Variants in SEMA6D observed in about 807,000 individuals in gnomAD.
The protein encoded by SEMA6D is semaphorin-6D.
A neutral mutation model predicts 106.6 loss-of-function variants in SEMA6D; 35 were observed. The observed-to-expected ratio is 0.33, with a 90% CI of 0.25 to 0.44. SEMA6D has a LOEUF of 0.44. Ranked by LOEUF, SEMA6D falls within the 20% of genes least tolerant of loss-of-function variation. SEMA6D has a pLI of 1.00. For missense variants in SEMA6D, 1,185 were observed against 1,345.9 expected (o/e 0.88, Z 1.87); for synonymous variants, 499 against 487.7 (o/e 1.02, Z -0.31).
At chr15:47,395,235 C>T (rs2040174627) in intron 1 of SEMA6D, among the ~76,000 whole-genome samples, 1 of 152,150 alleles carries the variant, frequency 6.6e-6, no homozygotes, top group East Asian at 1.9e-4. Context: ...AAGAGATTTT[C>T]TTCAAAGAGT....
chr15:47,289,394 A>G (rs951590574), intron 1 of SEMA6D, among the ~76,000 whole-genome samples: 46 of 113,332 alleles, frequency 4.1e-4, no homozygotes, highest in Admixed American at 9.8e-4. Flanking sequence ...ACTCCATCTC[A>G]AAAAAAAAAA....
intron 3 of SEMA6D, among the ~76,000 whole-genome samples, chr15:47,480,704 G>A (rs2043132186): frequency 6.6e-6 from 1 of 152,102 alleles, no homozygotes. Context: ...AACCATTTTA[G>A]CTTGTGTTTA....
intron 1 of SEMA6D, among the ~76,000 whole-genome samples, chr15:47,188,779 C>A (rs1479180586): frequency 6.6e-6 from 1 of 152,112 alleles, no homozygotes; most frequent in Non-Finnish European, 1.5e-5. Flanking sequence ...TACAATCAAG[C>A]CTGCAAGTAG....
chr15:47,230,845 T>G (rs1030391282), intron 1 of SEMA6D, among the ~76,000 whole-genome samples: 1 of 152,064 alleles, frequency 6.6e-6, no homozygotes, highest in Non-Finnish European at 1.5e-5. Flanking sequence ...GGAGAACCAA[T>G]GGTTCCCTGT....
chr15:47,255,580 A>G (rs181191624), intron 1 of SEMA6D, among the ~76,000 whole-genome samples: 20 of 151,876 alleles, frequency 1.3e-4, no homozygotes, highest in African/African-American at 1.2e-4. Context: ...ATATATTTTG[A>G]TATTAGTCAT....
intron 1 of SEMA6D, among the ~76,000 whole-genome samples, chr15:47,278,735 T>A (rs1323778497): frequency 1.1e-3 from 162 of 151,452 alleles, no homozygotes; most frequent in Non-Finnish European, 1.2e-4. Context: ...TCTAGGGTTT[T>A]TATGGTTTTA....
intron 1 of SEMA6D, among the ~76,000 whole-genome samples, chr15:47,358,858 A>T (rs941483365): frequency 2.0e-5 from 3 of 152,198 alleles, no homozygotes; most frequent in South Asian, 2.1e-4. Context: ...ATTTTTAAAC[A>T]TGAATTCTGG....
chr15:47,279,769 C>G (rs1566969721), intron 1 of SEMA6D, among the ~76,000 whole-genome samples: 1 of 151,854 alleles, frequency 6.6e-6, no homozygotes, highest in Admixed American at 6.6e-5. Flanking sequence ...GCCTTTTCTG[C>G]ATCTATTGAG....
chr15:47,384,828 T>TTTTG (rs2039768207), intron 1 of SEMA6D, among the ~76,000 whole-genome samples: 2 of 144,360 alleles, frequency 1.4e-5, no homozygotes, highest in African/African-American at 5.2e-5. Flanking sequence ...TTTTTTTTTT[T>TTTTG]TTTTTTTTTT....
intron 2 of SEMA6D, among the ~76,000 whole-genome samples, chr15:47,421,486 A>G (rs1026144400): frequency 6.6e-6 from 1 of 152,114 alleles, no homozygotes; most frequent in Non-Finnish European, 1.5e-5. Flanking sequence ...ATTTATGTTT[A>G]TCATCTACTC....
At chr15:47,645,101 G>A (rs2144811772) in intron 4 of SEMA6D, among the ~76,000 whole-genome samples, 1 of 152,244 alleles carries the variant, frequency 6.6e-6, no homozygotes, top group African/African-American at 2.4e-5. Context: ...TGGGTGCCGG[G>A]GCGTCATCTG....
intron 3 of SEMA6D, among the ~76,000 whole-genome samples, chr15:47,516,118 T>A (rs1344494002): frequency 6.6e-6 from 1 of 152,128 alleles, no homozygotes; most frequent in African/African-American, 2.4e-5. Flanking sequence ...AATGGATGGC[T>A]TTTGTTATGG....
chr15:47,432,266 A>G (rs571199709), intron 2 of SEMA6D, among the ~76,000 whole-genome samples: 1 of 152,212 alleles, frequency 6.6e-6, no homozygotes, highest in South Asian at 2.1e-4. Context: ...TAACATAGAG[A>G]TAAGAAGAGA....
intron 1 of SEMA6D, among the ~76,000 whole-genome samples, chr15:47,409,837 G>A (rs1463114073): frequency 1.3e-5 from 2 of 149,524 alleles, no homozygotes; most frequent in African/African-American, 4.9e-5. Flanking sequence ...GTGGGGAAGG[G>A]ATGGGAGGAG....
In SEMA6D at chr15:47,531,739, A is replaced by C. The variant is rs528132714; in HGVS notation, c.-87+61194A>C. Among the ~76,000 whole-genome samples the C allele has an allele frequency of 1.2e-4, 18 of 152,302 alleles. No individual in the cohort carries two copies. In the East Asian group the frequency reaches 3.5e-3, roughly 29 times the overall value. On this transcript the variant is annotated intron_variant, in intron 3 of 19. Coordinates refer to the SEMA6D transcript ENST00000558014. ...CTTTATTGGGAATCAGTGGGAGAGA[A>C]AGCTCTGGCTGATTCCAGCCTGCCT...
intron 1 of SEMA6D, among the ~76,000 whole-genome samples, chr15:47,719,322 G>A (rs1210838179): frequency 6.6e-6 from 1 of 152,130 alleles, no homozygotes; most frequent in Non-Finnish European, 1.5e-5. Flanking sequence ...GCAGCACATC[G>A]TTACTATAGA....
chr15:47,355,817 A>T lies in SEMA6D; in HGVS notation c.-238-56576A>T, dbSNP rs555758267. On this transcript the variant is annotated intron_variant, in intron 1 of 19. Coordinates refer to the SEMA6D transcript ENST00000558014. The stretch of plus-strand genomic sequence containing the variant: ...TGTCAGACCTTTGTACTAGAAGGGC[A>T]TGTAAATTAGAAGACCATGTTTTCC... Among the ~76,000 whole-genome samples the T allele has an allele frequency of 5.3e-5, 8 of 152,282 alleles. No homozygotes were observed. In the South Asian group the frequency reaches 1.7e-3, roughly 32 times the overall value.
intron 3 of SEMA6D, among the ~76,000 whole-genome samples, chr15:47,589,975 G>A (rs1259251805): frequency 1.3e-5 from 2 of 152,176 alleles, no homozygotes; most frequent in African/African-American, 2.4e-5. Context: ...ATTGGGGTCT[G>A]TATTGGGCTG....
At chr15:47,321,227 C>G (rs1327060171) in intron 1 of SEMA6D, among the ~76,000 whole-genome samples, 1 of 152,156 alleles carries the variant, frequency 6.6e-6, no homozygotes, top group Non-Finnish European at 1.5e-5. Context: ...CAAGGGATTC[C>G]CGTCTGTGTG....
Sources: allele counts gnomAD v4.1 joint callset (sites outside exome capture counted in the v4.1 genomes callset), GRCh38; gene constraint gnomAD v4.1.1; transcripts MANE v1.5; gene names NCBI Gene and HGNC (gene_info 2026-07-23, HGNC 2026-07-21).